Variants in CEP112 observed in about 807,000 individuals in gnomAD.
CEP112 encodes the protein centrosomal protein 112, also known as centrosomal protein of 112 kDa.
Under a neutral mutation model 153.0 loss-of-function variants are expected in CEP112, and 127 were observed. The ratio of observed to expected loss-of-function variants is 0.83; its 90% CI spans 0.72 to 0.96. The LOEUF is 0.96. Among genes scored for constraint, CEP112 ranks in the 40% least tolerant of loss-of-function variants. The pLI is 0.00. For missense variants in CEP112, 1,089 were observed against 1,101.2 expected, an observed-to-expected ratio of 0.99 and a Z score of 0.16; for synonymous variants, 358 against 374.4, an observed-to-expected ratio of 0.96 and a Z score of 0.51.
chr17:66,060,285 A>C (rs1372300726), intron 11 of CEP112, among the ~76,000 whole-genome samples: 1 of 152,180 alleles, frequency 6.6e-6, no homozygotes, highest in Non-Finnish European at 1.5e-5. Context: ...ATCTAAAATA[A>C]ATGCTGAAAT....
At chr17:65,722,589 T>A (rs1157598494) in intron 23 of CEP112, among the ~76,000 whole-genome samples, 1 of 152,202 alleles carries the variant, frequency 6.6e-6, no homozygotes, top group Non-Finnish European at 1.5e-5. Context: ...AGCTTCAAGA[T>A]TCTGTTAATC....
chr17:65,957,786 T>C (rs145946271), intron 18 of CEP112, among the ~76,000 whole-genome samples: 6 of 152,272 alleles, frequency 3.9e-5, no homozygotes, highest in Admixed American at 2.6e-4. Context: ...TTCAAGACTT[T>C]TATGAGAATG....
intron 19 of CEP112, among the ~76,000 whole-genome samples, chr17:65,905,804 G>A (rs2060052811): frequency 6.6e-6 from 1 of 152,080 alleles, no homozygotes; most frequent in South Asian, 2.1e-4. Context: ...AATTAGCCAG[G>A]TGTAGTGGTG....
At chr17:65,735,573 G>A (rs1490192932) in intron 23 of CEP112, among the ~76,000 whole-genome samples, 1 of 135,186 alleles carries the variant, frequency 7.4e-6, no homozygotes, top group Non-Finnish European at 1.7e-5. Flanking sequence ...TTAACCTATC[G>A]TAAAGTTGAG....
rs1049642889 is a variant in CEP112 at position 65,979,156 on chromosome 17, C to G, written c.1737-17558G>C. ...AAAAGAGAACAGCTGCTCCCCACCC[C>G]CACCATTGATACTTAAGAGAGCTAT... On this transcript the variant is annotated intron_variant, in intron 17 of 26. Transcript: ENST00000535342. Among the ~76,000 whole-genome samples, 3 of 152,102 alleles carry G rather than the reference C, an allele frequency of 2.0e-5. No homozygotes were observed. The South Asian group carries it at 6.3e-4, about 32-fold the overall frequency.
chr17:65,768,025 A>C (rs1364578647), intron 21 of CEP112, among the ~76,000 whole-genome samples: 1 of 152,116 alleles, frequency 6.6e-6, no homozygotes, highest in Non-Finnish European at 1.5e-5. Flanking sequence ...CTTGAACGAC[A>C]TGGAGGTTAG....
intron 21 of CEP112, among the ~76,000 whole-genome samples, chr17:65,842,271 T>G (rs1001172177): frequency 9.2e-5 from 14 of 152,134 alleles, no homozygotes; most frequent in African/African-American, 3.4e-4. Context: ...TCATTTATAA[T>G]TCTAGGTTTT....
intron 24 of CEP112, among the ~76,000 whole-genome samples, chr17:65,652,401 A>G (rs1209749981): frequency 1.3e-5 from 2 of 152,058 alleles, no homozygotes; most frequent in Admixed American, 1.3e-4. Flanking sequence ...CACCTGCAAA[A>G]TTTTTATAAG....
chr17:66,085,038 C>T (rs1232659185), intron 8 of CEP112, among the ~76,000 whole-genome samples: 1 of 151,454 alleles, frequency 6.6e-6, no homozygotes, highest in Non-Finnish European at 1.5e-5. Flanking sequence ...AAGATATTCA[C>T]AGAGAAAAAT....
Position 65,715,959 on chromosome 17 carries a change from G to A in CEP112, c.2608-26741C>T, listed in dbSNP as rs188118140. 5.9e-5 allele frequency among the ~76,000 whole-genome samples: 9 copies of A among 152,268 alleles called. No individual in the cohort carries two copies. In the East Asian group the frequency reaches 1.5e-3, roughly 26 times the overall value. ...TTACTGTTGCTAATACTAAAAATATGTAGGAGGAAGTTGATTACTTCTAAG... is the reference window on the plus strand; with the variant it reads ...TTACTGTTGCTAATACTAAAAATATATAGGAGGAAGTTGATTACTTCTAAG... On this transcript the variant is annotated intron_variant, in intron 23 of 26. Transcript: ENST00000535342.
chr17:65,777,746 C>A (rs1040298068), intron 21 of CEP112, among the ~76,000 whole-genome samples: 3 of 151,990 alleles, frequency 2.0e-5, no homozygotes, highest in African/African-American at 7.2e-5. Context: ...ATATTTTATT[C>A]ATATATAAAT....
chr17:65,811,359 A>C (rs76497099), intron 21 of CEP112, among the ~76,000 whole-genome samples: 366 of 152,336 alleles, frequency 2.4e-3, no homozygotes, highest in Non-Finnish European at 4.4e-3. Context: ...ATCGATTGTA[A>C]GTCCCACAGG....
intron 16 of CEP112, among the ~76,000 whole-genome samples, chr17:66,010,444 T>G (rs2064469088): frequency 6.6e-6 from 1 of 152,162 alleles, no homozygotes; most frequent in Non-Finnish European, 1.5e-5. Flanking sequence ...TTTGGATACC[T>G]TTTCTTTCTT....
chr17:65,856,839 C>T (rs1170453308), intron 20 of CEP112, among the ~76,000 whole-genome samples: 2 of 152,202 alleles, frequency 1.3e-5, no homozygotes, highest in Admixed American at 1.3e-4. Flanking sequence ...ATTGTCATCA[C>T]TGTGTAGATA....
chr17:65,916,568 G>A (rs11652607), intron 19 of CEP112, among the ~76,000 whole-genome samples: 32,527 of 150,886 alleles, frequency 0.22, 3,699 homozygotes, highest in South Asian at 0.38. Flanking sequence ...GGGTGGGTGG[G>A]GTCTTGCTCT....
At chr17:66,133,095 A>G (rs1568530709) in intron 4 of CEP112, among the ~76,000 whole-genome samples, 2 of 152,144 alleles carry the variant, frequency 1.3e-5, no homozygotes, top group African/African-American at 4.8e-5. Flanking sequence ...ATCAAAAAAA[A>G]AAAAGAAAAG....
rs914509043 is a variant in CEP112, at chr17:66,007,409, T to G, written c.1657-1640A>C. Among the ~76,000 whole-genome samples, 5 of 152,352 alleles carry G rather than the reference T, an allele frequency of 3.3e-5. No homozygotes were observed. The East Asian group carries it at 5.8e-4, about 18-fold the overall frequency. ...ATCTTACATGCAGGAAAAAGAAGTC[T>G]GCTGTTCAAGTTTTTACCATGTTCA... On this transcript the variant is annotated intron_variant, in intron 16 of 26. Transcript: ENST00000535342.
In CEP112 at chr17:65,961,505, C is replaced by T; in HGVS notation, c.1830G>A (p.Val610=). The T allele has an allele frequency of 6.2e-7, 1 of 1,613,128 alleles. No homozygotes were observed. The highest frequency in any genetic ancestry group is 1.7e-4 in the Middle Eastern group (1 of 6,054). ...CATAGACTTTCTCTGAGTTCAGTTC[C>T]ACCTGCCGCTTAAACTCTTCCAGAG... ...DAALEEFKRQ[V]ELNSEKVYAE... Residue 610 remains valine, a synonymous_variant, in exon 18 of 27, where the codon GTG becomes GTA. Transcript: ENST00000535342.
At chr17:65,685,645 A>T (rs948219213) in intron 24 of CEP112, among the ~76,000 whole-genome samples, 3 of 151,274 alleles carry the variant, frequency 2.0e-5, no homozygotes, top group Non-Finnish European at 4.4e-5. Flanking sequence ...GATCCTAAAA[A>T]GTGTCTGTGA....
Sources: allele counts gnomAD v4.1 joint callset (sites outside exome capture counted in the v4.1 genomes callset), GRCh38; gene constraint gnomAD v4.1.1; transcripts MANE v1.5; gene names NCBI Gene and HGNC (gene_info 2026-07-23, HGNC 2026-07-21).